The following FAM107B variants were observed in gnomAD, a reference collection of about 807,000 sequenced individuals.
FAM107B encodes family with sequence similarity 107 member B, also known as protein FAM107B.
In FAM107B, 21 loss-of-function variants were observed where a neutral mutation model predicts 31.5. The ratio of observed to expected loss-of-function variants is 0.67; its 90% CI spans 0.47 to 0.96. The LOEUF is 0.96. Ranked by LOEUF, FAM107B falls within the 40% of genes least tolerant of loss-of-function variation. The pLI, the probability that FAM107B is intolerant of heterozygous loss-of-function variation, is 0.00. For missense variants in FAM107B, 452 were observed against 377.1 expected (o/e 1.20, Z -1.64); for synonymous variants, 157 against 141.5 (o/e 1.11, Z -0.78).
chr10:14,548,730 G>A (rs1848955776), intron 2 of FAM107B: 7 of 908,242 alleles, frequency 7.7e-6, no homozygotes, highest in Non-Finnish European at 9.2e-6. Context: ...CGCAAAACGT[G>A]CCAGAAAAAT....
At chr10:14,738,317 C>T (rs2768703) in intron 1 of FAM107B, among the ~76,000 whole-genome samples, 74,124 of 151,900 alleles carry the variant, frequency 0.49, 19,638 homozygotes, top group African/African-American at 0.71. Context: ...AAAGATAAGG[C>T]GTAGTTCAGA....
intron 1 of FAM107B, among the ~76,000 whole-genome samples, chr10:14,694,545 G>C (rs535982056): frequency 1.3e-5 from 2 of 152,098 alleles, no homozygotes; most frequent in East Asian, 1.9e-4. Flanking sequence ...CACTATGCCC[G>C]GCTAATTTTG....
At chr10:14,531,854 G>A (rs1192320567) in intron 2 of FAM107B, among the ~76,000 whole-genome samples, 1 of 152,020 alleles carries the variant, frequency 6.6e-6, no homozygotes, top group Non-Finnish European at 1.5e-5. Flanking sequence ...AAATAGAAAA[G>A]GAAAGGGAAT....
At chr10:14,733,925 A>G (rs1046443827) in intron 1 of FAM107B, among the ~76,000 whole-genome samples, 5 of 152,194 alleles carry the variant, frequency 3.3e-5, no homozygotes, top group African/African-American at 1.2e-4. Context: ...AATGTCCTTG[A>G]AAAGAGTTTC....
Position 14,738,514 on chromosome 10 carries a change from C to T in FAM107B, c.411+35739G>A, listed in dbSNP as rs74503077. Among the ~76,000 whole-genome samples, 1,293 of 152,288 alleles carry T rather than the reference C, an allele frequency of 8.5e-3. 79 individuals carry two copies. In the East Asian group the frequency reaches 0.16, roughly 19 times the overall value. On this transcript the variant is annotated intron_variant, in intron 1 of 4. Transcript: ENST00000181796. Reference sequence around the variant, plus strand: ...TTAGCTCTAAAATGAGATGGTCTCTCAGGACCCTTTCAACTCCAAAAGATT... The same window carrying T: ...TTAGCTCTAAAATGAGATGGTCTCTTAGGACCCTTTCAACTCCAAAAGATT...
At chr10:14,723,216 G>A (rs1855953755) in intron 1 of FAM107B, 1 of 527,026 alleles carries the variant, frequency 1.9e-6, no homozygotes, top group South Asian at 1.4e-5. Flanking sequence ...CCTGAGCAGT[G>A]GGAGCCACAG....
At chr10:14,598,122 G>A (rs1852247255) in intron 2 of FAM107B, among the ~76,000 whole-genome samples, 1 of 152,126 alleles carries the variant, frequency 6.6e-6, no homozygotes, top group African/African-American at 2.4e-5. Context: ...CCATTCCACA[G>A]GTTGCCTTTT....
intron 1 of FAM107B, among the ~76,000 whole-genome samples, chr10:14,749,998 G>T (rs1247890018): frequency 6.6e-6 from 1 of 152,188 alleles, no homozygotes; most frequent in Non-Finnish European, 1.5e-5. Context: ...GAAGAGCGAG[G>T]GGGTGGGGCC....
chr10:14,731,813 T>C (rs532230879), intron 1 of FAM107B, among the ~76,000 whole-genome samples: 3 of 152,256 alleles, frequency 2.0e-5, no homozygotes, highest in South Asian at 2.1e-4. Flanking sequence ...CCAGGAGCAA[T>C]AGGCTACAGC....
intron 2 of FAM107B, among the ~76,000 whole-genome samples, chr10:14,593,050 G>A (rs907068579): frequency 3.9e-5 from 6 of 152,092 alleles, no homozygotes; most frequent in Admixed American, 1.3e-4. Context: ...ACCATTCAGC[G>A]GGTTAATATT....
In FAM107B at chr10:14,761,963, G is replaced by C. The variant is rs185669564; in HGVS notation, c.411+12290C>G. On this transcript the variant is annotated intron_variant, in intron 1 of 4. Transcript: ENST00000181796. ...TGAGGCCACCTAGAGACTTCCCAGG[G>C]GTAGTTAGGTCTATCCTTGAAAAAC... is the stretch of plus-strand genomic sequence containing the variant. Among the ~76,000 whole-genome samples the C allele has an allele frequency of 3.3e-5, 5 of 152,228 alleles. No individual in the cohort carries two copies. The East Asian group carries it at 9.7e-4, about 29-fold the overall frequency.
At chr10:14,580,426 A>G (rs1226926658) in intron 2 of FAM107B, among the ~76,000 whole-genome samples, 1 of 152,184 alleles carries the variant, frequency 6.6e-6, no homozygotes, top group East Asian at 1.9e-4. Context: ...CACAAGGGCT[A>G]ATATAATTTC....
chr10:14,689,964 A>C (rs1855088200), intron 1 of FAM107B, among the ~76,000 whole-genome samples: 1 of 150,500 alleles, frequency 6.6e-6, no homozygotes, highest in Admixed American at 6.7e-5. Context: ...CCTCAAAAAA[A>C]GAAATAGAAA....
intron 1 of FAM107B, among the ~76,000 whole-genome samples, chr10:14,704,092 T>A (rs1855466900): frequency 6.6e-6 from 1 of 152,206 alleles, no homozygotes; most frequent in Admixed American, 6.5e-5. Context: ...ATTCTACAGA[T>A]GGTAGGAGCC....
chr10:14,746,659 G>A (rs1000468127), intron 1 of FAM107B, among the ~76,000 whole-genome samples: 2 of 152,146 alleles, frequency 1.3e-5, no homozygotes, highest in African/African-American at 2.4e-5. Context: ...CTACTGAGAG[G>A]TCCACTGTCA....
intron 2 of FAM107B, among the ~76,000 whole-genome samples, chr10:14,588,780 G>C (rs2131332423): frequency 6.6e-6 from 1 of 152,228 alleles, no homozygotes; most frequent in East Asian, 1.9e-4. Flanking sequence ...GAGCTCCCCA[G>C]GATGTTACTG....
chr10:14,619,221 AC>A lies in FAM107B; in HGVS notation c.469+48412del, dbSNP rs1000027564. 7.9e-5 allele frequency among the ~76,000 whole-genome samples: 12 copies of A among 152,236 alleles called. 1 individual carries two copies. Among genetic ancestry groups the A allele is most frequent in the African/African-American group, 2.9e-4 (12 of 41,544 alleles). On this transcript the variant is annotated intron_variant, in intron 2 of 4. Coordinates refer to ENST00000181796, the MANE Select transcript of FAM107B (RefSeq NM_031453.4). ...CACTTTGCGATACTTTGTTACAGCA[AC>A]CCTAGGAAAATAAGGCAGTACGGTC...
chr10:14,699,119 T>G (rs1326851962), intron 1 of FAM107B, among the ~76,000 whole-genome samples: 1 of 152,046 alleles, frequency 6.6e-6, no homozygotes. Context: ...AGTCTGGTAC[T>G]TGATAGGAAG....
At chr10:14,659,987 C>A (rs1181940374) in intron 2 of FAM107B, among the ~76,000 whole-genome samples, 3 of 152,122 alleles carry the variant, frequency 2.0e-5, no homozygotes, top group African/African-American at 7.2e-5. Context: ...AAGAAATCTA[C>A]AAACCACAGG....
Sources: gnomAD v4.1 joint callset for allele counts (sites outside exome capture counted in the v4.1 genomes callset) on GRCh38, gnomAD v4.1.1 for gene constraint, MANE v1.5 for transcripts, NCBI Gene and HGNC (gene_info 2026-07-23, HGNC 2026-07-21) for gene names.